Variants in ABRAXAS2 observed in about 807,000 individuals in gnomAD.
ABRAXAS2 encodes BRISC complex subunit Abraxas 2.
ABRAXAS2 carries 23 observed loss-of-function variants against 49.0 expected under a neutral mutation model. The observed-to-expected ratio is 0.47, with a 90% CI of 0.34 to 0.66. The LOEUF (loss-of-function observed/expected upper bound fraction) is 0.66. Ranked by LOEUF, ABRAXAS2 falls within the 30% of genes least tolerant of loss-of-function variation. The pLI is 0.01. For synonymous variants in ABRAXAS2, 168 were observed against 180.2 expected (o/e 0.93, Z 0.54); for missense variants, 443 against 511.9 (o/e 0.87, Z 1.30).
intron 4 of ABRAXAS2, among the ~76,000 whole-genome samples, chr10:124,820,582 A>G (rs1022137330): frequency 1.3e-5 from 2 of 151,970 alleles, no homozygotes; most frequent in Non-Finnish European, 2.9e-5. Flanking sequence ...CCCAGGTTCA[A>G]GCAGTTCTTC....
intron 2 of ABRAXAS2, among the ~76,000 whole-genome samples, chr10:124,808,244 C>T (rs903882476): frequency 2.0e-5 from 3 of 151,534 alleles, no homozygotes; most frequent in Non-Finnish European, 2.9e-5. Flanking sequence ...GGCACGATCT[C>T]GGCTCACTGC....
rs1950748718 is a variant in ABRAXAS2 at position 124,806,924 on chromosome 10, A to G, written c.163+3A>G. ...CACAGAATTTCTGCAAGTAATTGGT[A>G]AGTAAATTTCTCAATGACCTTAGAA... On this transcript the variant is annotated splice_donor_region_variant and intron_variant, in intron 2 of 8. Coordinates refer to ENST00000298492, the MANE Select transcript of ABRAXAS2 (RefSeq NM_032182.4). 1.3e-6 allele frequency: 2 copies of G among 1,586,506 alleles called. No homozygotes were observed. Among genetic ancestry groups the G allele is most frequent in the East Asian group, 2.2e-5 (1 of 44,684 alleles).
At chr10:124,830,496 T>C (rs1240129592) in intron 7 of ABRAXAS2, among the ~76,000 whole-genome samples, 1 of 151,982 alleles carries the variant, frequency 6.6e-6, no homozygotes, top group Non-Finnish European at 1.5e-5. Context: ...AAAAGAGGAA[T>C]GAAGACAGAT....
At chr10:124,803,776 C>G (rs1270934949) in intron 1 of ABRAXAS2, among the ~76,000 whole-genome samples, 1 of 152,196 alleles carries the variant, frequency 6.6e-6, no homozygotes, top group Non-Finnish European at 1.5e-5. Flanking sequence ...TGGCACATGC[C>G]TGTAATCCCA....
intron 8 of ABRAXAS2, among the ~76,000 whole-genome samples, chr10:124,832,398 T>G (rs1950939147): frequency 6.6e-6 from 1 of 152,174 alleles, no homozygotes; most frequent in Non-Finnish European, 1.5e-5. Flanking sequence ...AATTTATAAA[T>G]GTATGGCAGA....
intron 7 of ABRAXAS2, 149 bp downstream of exon 7, chr10:124,829,626 A>T (rs570754641): frequency 1.7e-6 from 1 of 589,216 alleles, no homozygotes; most frequent in East Asian, 3.0e-5. Context: ...CAAGCTGTGG[A>T]ATAATGATTC....
chr10:124,817,404 C>T (rs1461902257), intron 3 of ABRAXAS2, among the ~76,000 whole-genome samples: 1 of 152,110 alleles, frequency 6.6e-6, no homozygotes, highest in African/African-American at 2.4e-5. Context: ...CTGGACTTCC[C>T]CCCAAACCAC....
At chr10:124,819,283 A>G (rs1950845678) in intron 3 of ABRAXAS2, 101 bp from the exon 4 acceptor site, 6 of 864,128 alleles carry the variant, frequency 6.9e-6, no homozygotes, top group South Asian at 5.6e-5. Context: ...GTAAGGTGAG[A>G]AGTTAGGTCT....
At chr10:124,816,174 T>C (rs1222060371) in intron 2 of ABRAXAS2, among the ~76,000 whole-genome samples, 1 of 152,196 alleles carries the variant, frequency 6.6e-6, no homozygotes, top group Non-Finnish European at 1.5e-5. Context: ...GTGCTGGGAT[T>C]ACAGGCGTGA....
intron 1 of ABRAXAS2, among the ~76,000 whole-genome samples, chr10:124,806,176 G>A (rs1462157286): frequency 2.0e-5 from 3 of 151,940 alleles, no homozygotes. Flanking sequence ...CATGGTGGCG[G>A]GTGCCTGTAG....
intron 2 of ABRAXAS2, among the ~76,000 whole-genome samples, chr10:124,811,066 A>C (rs927440165): frequency 1.1e-4 from 16 of 151,292 alleles, no homozygotes; most frequent in African/African-American, 3.9e-4. Context: ...AAAAATACAA[A>C]AAATTAGCCG....
intron 2 of ABRAXAS2, among the ~76,000 whole-genome samples, chr10:124,809,458 T>C (rs1950770616): frequency 1.0e-5 from 1 of 95,320 alleles, no homozygotes; most frequent in African/African-American, 3.9e-5. Context: ...CTAATTTTTG[T>C]ATTTTTAGTA....
chr10:124,818,832 T>C (rs761667530), intron 3 of ABRAXAS2, among the ~76,000 whole-genome samples: 6 of 152,176 alleles, frequency 3.9e-5, no homozygotes, highest in Non-Finnish European at 7.3e-5. Context: ...AGCCCTTCTG[T>C]CTACCAGCCC....
intron 7 of ABRAXAS2, among the ~76,000 whole-genome samples, chr10:124,830,522 A>G (rs2134172688): frequency 6.6e-6 from 1 of 152,292 alleles, no homozygotes; most frequent in Non-Finnish European, 1.5e-5. Flanking sequence ...AAAAGAGGAA[A>G]ACAGGCTGAG....
At chr10:124,809,145 GAAAAAGAA>G (rs1211629590) in intron 2 of ABRAXAS2, among the ~76,000 whole-genome samples, 1 of 151,462 alleles carries the variant, frequency 6.6e-6, no homozygotes, top group Admixed American at 6.6e-5. Context: ...AAAGAAAAAA[GAAAAAGAA>G]AAAAAGAAAA....
rs767345952 is a variant in ABRAXAS2, at chr10:124,826,791, G to A, written c.458+6G>A. 3.7e-6 allele frequency: 6 copies of A among 1,613,188 alleles called. No homozygotes were observed. The South Asian group carries it at 5.5e-5, about 15-fold the overall frequency. ...CTCTTCAGACCAAATAGAAGGTAAA[G>A]CTTGCTTTTCCATCTGCCTCACATA... On this transcript the variant is annotated splice_donor_region_variant and intron_variant, in intron 5 of 8. Coordinates refer to ENST00000298492, the MANE Select transcript of ABRAXAS2 (RefSeq NM_032182.4).
intron 8 of ABRAXAS2, among the ~76,000 whole-genome samples, chr10:124,831,940 C>T (rs1950936396): frequency 6.7e-6 from 1 of 148,632 alleles, no homozygotes; most frequent in African/African-American, 2.5e-5. Context: ...GCAACCTCCA[C>T]CTCCTGGGTT....
intron 5 of ABRAXAS2, among the ~76,000 whole-genome samples, chr10:124,827,482 A>T (rs904551551): frequency 2.6e-5 from 4 of 152,112 alleles, no homozygotes; most frequent in African/African-American, 9.7e-5. Context: ...TTTTGTGGTT[A>T]CGGAAGGTAT....
In ABRAXAS2 at chr10:124,834,517, T is replaced by C. The variant is rs1195496059; in HGVS notation, c.794T>C (p.Val265Ala). The change falls in exon 9 of 9, where the codon GTG becomes GCG. Residue 265 changes from valine to alanine, a missense_variant. Val to Ala is a moderately conservative substitution (Grantham distance 64, BLOSUM62 0). Coordinates refer to ENST00000298492, the MANE Select transcript of ABRAXAS2 (RefSeq NM_032182.4). ...KEQERRLQQA[V>A]LSRQMPSESL... Reference sequence around the variant, plus strand: ...TTTCATCCAGGATTGCAGCAGGCAGTGTTAAGCAGACAGATGCCGTCTGAA... The same window carrying C: ...TTTCATCCAGGATTGCAGCAGGCAGCGTTAAGCAGACAGATGCCGTCTGAA... The C allele has an allele frequency of 1.9e-6, 3 of 1,613,728 alleles. No homozygotes were observed. Among genetic ancestry groups the C allele is most frequent in the South Asian group, 1.1e-5 (1 of 91,058 alleles).
Sources: allele counts gnomAD v4.1 joint callset (sites outside exome capture counted in the v4.1 genomes callset), GRCh38; gene constraint gnomAD v4.1.1; transcripts MANE v1.5; gene names NCBI Gene and HGNC (gene_info 2026-07-23, HGNC 2026-07-21).